The following ATP10B variants were observed in gnomAD, a reference collection of about 807,000 sequenced individuals.
ATP10B encodes phospholipid-transporting ATPase VB.
ATP10B carries 122 observed loss-of-function variants against 141.2 expected under a neutral mutation model. That is an observed-to-expected ratio of 0.86 (90% CI 0.75 to 1.00). The LOEUF (loss-of-function observed/expected upper bound fraction) is 1.00. ATP10B is among the 50% of genes least tolerant of loss of function. ATP10B has a pLI of 0.00. For synonymous variants in ATP10B, 685 were observed against 692.0 expected (o/e 0.99, Z 0.16); for missense variants, 1,876 against 1,825.3 (o/e 1.03, Z -0.51).
intron 24 of ATP10B, among the ~76,000 whole-genome samples, chr5:160,582,990 C>A (rs1755653247): frequency 6.6e-6 from 1 of 152,056 alleles, no homozygotes; most frequent in South Asian, 2.1e-4. Flanking sequence ...AATCTTTTTT[C>A]AAGGTTCTTA....
chr5:160,890,998 T>C, the ATP10B span, among the ~76,000 whole-genome samples: 1 of 116,108 alleles, frequency 8.6e-6, no homozygotes, highest in South Asian at 2.4e-4. Context: ...CGTGTATGTG[T>C]GTGCGTGTGT....
intron 1 of ATP10B, among the ~76,000 whole-genome samples, chr5:160,840,539 TCATA>T (rs1775750641): frequency 6.6e-6 from 1 of 152,096 alleles, no homozygotes; most frequent in Non-Finnish European, 1.5e-5. Flanking sequence ...CTTCTTCATA[TCATA>T]TATAGGAAAA....
intron 2 of ATP10B, among the ~76,000 whole-genome samples, chr5:160,754,065 C>T (rs1254843528): frequency 6.6e-6 from 1 of 152,188 alleles, no homozygotes. Flanking sequence ...CTGGAAACTA[C>T]ACAAATGGGC....
At chr5:160,882,111 A>G in the ATP10B span, among the ~76,000 whole-genome samples, 4 of 152,336 alleles carry the variant, frequency 2.6e-5, no homozygotes, top group Non-Finnish European at 5.9e-5. Flanking sequence ...GGAGGCAAGG[A>G]ATGAACAGGT....
At chr5:160,843,119 G>C (rs1248703351) in intron 1 of ATP10B, among the ~76,000 whole-genome samples, 1 of 152,052 alleles carries the variant, frequency 6.6e-6, no homozygotes, top group Non-Finnish European at 1.5e-5. Context: ...ATAATGACCA[G>C]GTGGCATACA....
chr5:160,880,999 G>A, the ATP10B span, among the ~76,000 whole-genome samples: 1 of 152,038 alleles, frequency 6.6e-6, no homozygotes, highest in Admixed American at 6.6e-5. Flanking sequence ...AGAATGAGAA[G>A]ACAAGACATA....
At chr5:160,783,416 G>T (rs1581524080) in intron 2 of ATP10B, among the ~76,000 whole-genome samples, 3 of 78,282 alleles carry the variant, frequency 3.8e-5, no homozygotes, top group Middle Eastern at 0.011. Context: ...ATCTATCCAT[G>T]GATATATCCA....
the ATP10B span, among the ~76,000 whole-genome samples, chr5:160,904,965 AGAG>A: frequency 2.0e-5 from 3 of 152,216 alleles, no homozygotes; most frequent in East Asian, 1.9e-4. Flanking sequence ...AGGCCCAAAG[AGAG>A]GAGGAGATTC....
chr5:160,833,686 G>A (rs1298395752), intron 1 of ATP10B, among the ~76,000 whole-genome samples: 4 of 152,112 alleles, frequency 2.6e-5, no homozygotes. Context: ...AGGATCTAGT[G>A]GAGGAACTGG....
chr5:160,746,046 T>C (rs1160539703), intron 2 of ATP10B, among the ~76,000 whole-genome samples: 1 of 152,258 alleles, frequency 6.6e-6, no homozygotes, highest in Non-Finnish European at 1.5e-5. Context: ...GGACTAATTG[T>C]GAATAATTCA....
At chr5:160,791,934 C>A (rs1028422019) in intron 1 of ATP10B, among the ~76,000 whole-genome samples, 1 of 152,118 alleles carries the variant, frequency 6.6e-6, no homozygotes, top group East Asian at 1.9e-4. Context: ...ATGAAAATGA[C>A]TCTAGCTGGG....
chr5:160,812,827 C>T (rs193283212), intron 1 of ATP10B, among the ~76,000 whole-genome samples: 11 of 152,176 alleles, frequency 7.2e-5, no homozygotes, highest in East Asian at 1.9e-4. Flanking sequence ...GGAAGAGATA[C>T]GTGTAGATAG....
chr5:160,855,680 TTAAA>T (rs945434426), upstream of ATP10B, among the ~76,000 whole-genome samples: 4 of 151,912 alleles, frequency 2.6e-5, no homozygotes, highest in African/African-American at 9.7e-5. Flanking sequence ...CTTCTAAATC[TTAAA>T]TATTTATCCT....
At chr5:160,743,817 G>A (rs1330394234) in intron 2 of ATP10B, among the ~76,000 whole-genome samples, 1 of 152,220 alleles carries the variant, frequency 6.6e-6, no homozygotes, top group East Asian at 1.9e-4. Context: ...TCACCTCAGG[G>A]GATATTTGGC....
chr5:160,811,715 C>T (rs1274129366), intron 1 of ATP10B, among the ~76,000 whole-genome samples: 1 of 152,134 alleles, frequency 6.6e-6, no homozygotes, highest in Admixed American at 6.5e-5. Flanking sequence ...GTTTTTGACT[C>T]CAGTCCATGG....
chr5:160,639,616 G>A (rs532527951), intron 10 of ATP10B, among the ~76,000 whole-genome samples: 15 of 152,290 alleles, frequency 9.8e-5, no homozygotes, highest in Non-Finnish European at 1.5e-4. Flanking sequence ...GAGCCTCTAG[G>A]AGGAACCAGA....
chr5:160,670,338 T>C (rs1424400601), intron 7 of ATP10B, 125 bp downstream of exon 7: 3 of 828,054 alleles, frequency 3.6e-6, no homozygotes, highest in African/African-American at 1.7e-5. Context: ...GTATCTAAAG[T>C]GCTAGGGAAA....
At chr5:160,612,694 C>T in intron 18 of ATP10B, 47 bp downstream of exon 18, 1 of 1,533,356 alleles carries the variant, frequency 6.5e-7, no homozygotes, top group Middle Eastern at 1.8e-4. Context: ...TGAGGGGTTG[C>T]TCTACACGTT....
rs773954127 is a variant in ATP10B at position 160,716,978 on chromosome 5, G to T, written c.-274C>A. The stretch of plus-strand genomic sequence containing the variant: ...CTGTGCCCCTACAGCCACAGGAAGA[G>T]GGGGCAGATGTAGTACTTTAGCTGG... On this transcript the variant is annotated 5_prime_UTR_variant, in exon 3 of 26. Coordinates refer to ENST00000327245, the MANE Select transcript of ATP10B (RefSeq NM_025153.3). 2.0e-6 allele frequency: 2 copies of T among 985,386 alleles called. No homozygotes were observed. The highest frequency in any genetic ancestry group is 2.4e-6 in the Non-Finnish European group (2 of 829,864). The allele number at this position is 985,386 out of a possible 1,614,324, so 61.0% of individuals were successfully genotyped here. A position where few individuals can be genotyped will look rare whatever the true frequency, so the allele number is the denominator to read the frequency against.
Sources: gnomAD v4.1 joint callset for allele counts (sites outside exome capture counted in the v4.1 genomes callset) on GRCh38, gnomAD v4.1.1 for gene constraint, MANE v1.5 for transcripts, NCBI Gene and HGNC (gene_info 2026-07-23, HGNC 2026-07-21) for gene names.